SPON1: variants seen among roughly 807,000 people sequenced by gnomAD.
SPON1 encodes spondin-1.
Under a neutral mutation model 111.7 loss-of-function variants are expected in SPON1, and 52 were observed. The observed-to-expected ratio is 0.47, with a 90% CI of 0.37 to 0.59. The LOEUF is 0.59. Among genes scored for constraint, SPON1 ranks in the 20% least tolerant of loss-of-function variants. The pLI, the probability that SPON1 is intolerant of heterozygous loss-of-function variation, is 0.00. For synonymous variants in SPON1, 410 were observed against 395.8 expected, an observed-to-expected ratio of 1.04 and a Z score of -0.43; for missense variants, 957 against 1,068.5, an observed-to-expected ratio of 0.90 and a Z score of 1.46.
chr11:14,085,543 T>C (rs2133835177), intron 5 of SPON1, among the ~76,000 whole-genome samples: 1 of 152,328 alleles, frequency 6.6e-6, no homozygotes, highest in Middle Eastern at 3.4e-3. Flanking sequence ...CTGCTTTGGT[T>C]ACTGTAGGCT....
At chr11:14,173,870 A>T (rs1554932799) in intron 6 of SPON1, among the ~76,000 whole-genome samples, 22 of 150,702 alleles carry the variant, frequency 1.5e-4, no homozygotes, top group Admixed American at 1.3e-3. Context: ...TCAGAGGAGC[A>T]CCTGGCCGTG....
intron 5 of SPON1, among the ~76,000 whole-genome samples, chr11:14,129,157 A>G (rs1847497722): frequency 6.6e-6 from 1 of 150,916 alleles, no homozygotes; most frequent in African/African-American, 2.4e-5. Context: ...TTTCTCTTGA[A>G]TTTCTCCCCA....
chr11:14,067,151 TG>T (rs1327229073), intron 3 of SPON1, among the ~76,000 whole-genome samples: 2 of 151,826 alleles, frequency 1.3e-5, no homozygotes, highest in African/African-American at 2.4e-5. Flanking sequence ...CATTCCAGCC[TG>T]GGCGAGACAG....
intron 2 of SPON1, among the ~76,000 whole-genome samples, chr11:13,983,481 C>T (rs905992336): frequency 6.6e-6 from 1 of 152,106 alleles, no homozygotes; most frequent in Non-Finnish European, 1.5e-5. Flanking sequence ...AAATGTCAGT[C>T]CTCACAGAAC....
chr11:14,260,212 T>C (rs1042350356), intron 13 of SPON1, among the ~76,000 whole-genome samples: 1 of 152,188 alleles, frequency 6.6e-6, no homozygotes, highest in East Asian at 1.9e-4. Flanking sequence ...TTCAGGACAA[T>C]GTCCAAAAAT....
chr11:13,987,121 T>A (rs1253811408), intron 2 of SPON1, among the ~76,000 whole-genome samples: 5 of 152,206 alleles, frequency 3.3e-5, no homozygotes, highest in African/African-American at 7.2e-5. Context: ...TAGATCTAGA[T>A]CTTTGAGGAA....
At chr11:14,125,998 CA>C (rs1847455241) in intron 5 of SPON1, among the ~76,000 whole-genome samples, 1 of 151,982 alleles carries the variant, frequency 6.6e-6, no homozygotes, top group African/African-American at 2.4e-5. Flanking sequence ...AGTCCAAAGG[CA>C]GGGGGAAAAA....
In SPON1 at chr11:14,079,931, A is replaced by C; in HGVS notation, c.586A>C (p.Ile196Leu). Residue 196 changes from isoleucine to leucine, a missense_variant, in exon 5 of 16, where the codon ATC (isoleucine) becomes CTC (leucine). Ile to Leu is a conservative substitution (Grantham distance 5). Transcript: ENST00000576479. ...STFDGVTDKP[I>L]LDCCACGTAK... ...ATTTGATGGGGTGACTGACAAACCC[A>C]TCTTAGACTGCTGTGCCTGCGGAAC... 1 of 1,614,006 alleles carries C rather than the reference A, an allele frequency of 6.2e-7. No homozygotes were observed. Among genetic ancestry groups the C allele is most frequent in the Non-Finnish European group, 8.5e-7 (1 of 1,179,886 alleles).
intron 5 of SPON1, among the ~76,000 whole-genome samples, chr11:14,128,573 G>C (rs1375382730): frequency 5.3e-5 from 8 of 152,318 alleles, no homozygotes; most frequent in African/African-American, 1.9e-4. Context: ...GCTTTTCCAG[G>C]TACACAGTGC....
chr11:14,229,841 C>T (rs139075805), intron 6 of SPON1, among the ~76,000 whole-genome samples: 1,654 of 152,144 alleles, frequency 0.011, 16 homozygotes, highest in Non-Finnish European at 0.016. Context: ...CCGTGAGCCA[C>T]GAAAATAACT....
chr11:14,062,808 C>T (rs782333737), intron 3 of SPON1, among the ~76,000 whole-genome samples: 42 of 152,168 alleles, frequency 2.8e-4, no homozygotes, highest in Non-Finnish European at 1.6e-4. Flanking sequence ...ACATCTTAAT[C>T]TCATGGCCCA....
Position 14,141,717 on chromosome 11 carries a change from C to T in SPON1, c.825+6149C>T, listed in dbSNP as rs375734980. Among the ~76,000 whole-genome samples the T allele has an allele frequency of 1.2e-4, 19 of 152,268 alleles. No individual in the cohort carries two copies. In the South Asian group the frequency reaches 1.7e-3, roughly 13 times the overall value. Reference sequence around the variant, plus strand: ...AGGTTTGAGAATTTTCTTTTCTCATCTCCTTTAAATCATTGGAGATGACAT... The same window carrying T: ...AGGTTTGAGAATTTTCTTTTCTCATTTCCTTTAAATCATTGGAGATGACAT... On this transcript the variant is annotated intron_variant, in intron 6 of 15. Transcript: ENST00000576479.
chr11:14,018,784 G>T (rs1009554853), intron 2 of SPON1, among the ~76,000 whole-genome samples: 1 of 152,130 alleles, frequency 6.6e-6, no homozygotes, highest in African/African-American at 2.4e-5. Flanking sequence ...CTATACAAAG[G>T]CTCCAACGGT....
At chr11:13,997,302 AC>A (rs1848280934) in intron 2 of SPON1, among the ~76,000 whole-genome samples, 1 of 152,192 alleles carries the variant, frequency 6.6e-6, no homozygotes, top group Non-Finnish European at 1.5e-5. Context: ...TTTAAAATAT[AC>A]AGCGAGTATG....
intron 6 of SPON1, among the ~76,000 whole-genome samples, chr11:14,213,776 T>C (rs1848600416): frequency 6.6e-6 from 1 of 152,196 alleles, no homozygotes; most frequent in Admixed American, 6.5e-5. Context: ...GAAGTACATA[T>C]CCCAGGGATG....
At chr11:14,245,920 T>C (rs1181819093) in intron 7 of SPON1, among the ~76,000 whole-genome samples, 1 of 152,234 alleles carries the variant, frequency 6.6e-6, no homozygotes, top group African/African-American at 2.4e-5. Flanking sequence ...AAAACAAGGA[T>C]GTGAATTCAC....
intron 6 of SPON1, among the ~76,000 whole-genome samples, chr11:14,190,802 A>G (rs1006511273): frequency 6.6e-6 from 1 of 151,716 alleles, no homozygotes; most frequent in Non-Finnish European, 1.5e-5. Context: ...CACCGTGCCC[A>G]GCTGATTTTT....
At chr11:14,121,573 G>A (rs1847389786) in intron 5 of SPON1, among the ~76,000 whole-genome samples, 1 of 152,072 alleles carries the variant, frequency 6.6e-6, no homozygotes, top group Non-Finnish European at 1.5e-5. Flanking sequence ...AAGCATTGAT[G>A]GAAGATTTTT....
rs200461241 is a variant in SPON1, at chr11:14,116,447, AT to A, written c.677-18964del. On this transcript the variant is annotated intron_variant, in intron 5 of 15. Coordinates refer to ENST00000576479, the MANE Select transcript of SPON1 (RefSeq NM_006108.4). ...AGGTAGGAGTCAATAGTCTTTCTGA[AT>A]TTTTTTTTACAGGACTATTGATTGA... is the stretch of plus-strand genomic sequence containing the variant. Among the ~76,000 whole-genome samples, 132 of 151,478 alleles carry A rather than the reference AT, an allele frequency of 8.7e-4. 3 individuals carry two copies. In the East Asian group the frequency reaches 0.021, roughly 24 times the overall value.
Sources: allele counts gnomAD v4.1 joint callset (sites outside exome capture counted in the v4.1 genomes callset), GRCh38; gene constraint gnomAD v4.1.1; transcripts MANE v1.5; gene names NCBI Gene and HGNC (gene_info 2026-07-23, HGNC 2026-07-21).